CSMD1: variants seen among roughly 807,000 people sequenced by gnomAD.
The protein encoded by CSMD1 is CUB and Sushi multiple domains 1, also known as CUB and sushi domain-containing protein 1.
CSMD1 carries 213 observed loss-of-function variants against 417.5 expected under a neutral mutation model. The observed-to-expected ratio is 0.51, with a 90% CI of 0.46 to 0.57. The LOEUF is 0.57. CSMD1 is among the 20% of genes least tolerant of loss of function. The pLI is 0.00. For synonymous variants in CSMD1, 2,862 were observed against 1,736.8 expected (o/e 1.65, Z -16.11); for missense variants, 6,923 against 4,529.7 (o/e 1.53, Z -15.17).
Position 3,502,950 on chromosome 8 carries a change from C to A in CSMD1, c.1345-9224G>T, listed in dbSNP as rs11774446. On this transcript the variant is annotated intron_variant, in intron 10 of 69. Coordinates refer to ENST00000635120, the MANE Select transcript of CSMD1 (RefSeq NM_033225.6). ...AACAAACACACCATGCTGAAAGCATCTGGTGAGGATGCTTACAGTGGGGAG... is the reference window on the plus strand; with the variant it reads ...AACAAACACACCATGCTGAAAGCATATGGTGAGGATGCTTACAGTGGGGAG... Among the ~76,000 whole-genome samples the A allele has an allele frequency of 3.3e-3, 504 of 152,168 alleles. 2 individuals are homozygous for A. The highest frequency in any genetic ancestry group is 4.4e-3 in the Non-Finnish European group (296 of 67,980).
chr8:4,054,736 T>A (rs937965786), intron 3 of CSMD1, among the ~76,000 whole-genome samples: 1 of 152,168 alleles, frequency 6.6e-6, no homozygotes. Flanking sequence ...TTTGGACATT[T>A]TGTGATGTGT....
intron 5 of CSMD1, among the ~76,000 whole-genome samples, chr8:3,883,424 G>T (rs933305564): frequency 1.3e-5 from 2 of 152,114 alleles, no homozygotes; most frequent in Non-Finnish European, 2.9e-5. Flanking sequence ...ATATGTATGT[G>T]TGTGTATGTT....
intron 3 of CSMD1, among the ~76,000 whole-genome samples, chr8:4,039,461 A>C (rs1348474629): frequency 6.6e-6 from 1 of 152,140 alleles, no homozygotes; most frequent in Non-Finnish European, 1.5e-5. Context: ...GAAACCTTAC[A>C]TTTCTTCTCT....
chr8:3,945,690 G>T (rs951818381), intron 5 of CSMD1, among the ~76,000 whole-genome samples: 1 of 152,090 alleles, frequency 6.6e-6, no homozygotes, highest in Non-Finnish European at 1.5e-5. Context: ...AGTCCAGATA[G>T]CTCATCGACA....
At chr8:3,343,228 A>G in intron 23 of CSMD1, 66 bp downstream of exon 23, 5 of 1,383,052 alleles carry the variant, frequency 3.6e-6, no homozygotes, top group South Asian at 1.2e-5. Flanking sequence ...AACTTAATAT[A>G]AGCCAAGTAT....
intron 31 of CSMD1, 131 bp from the exon 32 acceptor site, chr8:3,201,856 A>G (rs1797009145): frequency 6.6e-6 from 3 of 452,996 alleles, no homozygotes; most frequent in Non-Finnish European, 1.2e-5. Flanking sequence ...AAAAATAAAT[A>G]TTAACTTATT....
intron 57 of CSMD1, among the ~76,000 whole-genome samples, chr8:2,972,887 C>T (rs547164656): frequency 7.2e-5 from 11 of 152,246 alleles, no homozygotes; most frequent in Admixed American, 2.6e-4. Context: ...TTCCGTGTTA[C>T]GAACTTTCAA....
At position 3,610,748 on chromosome 8, in the gene CSMD1, T is replaced by C. The variant is rs373019394; in HGVS notation, c.1097+5962A>G. Among the ~76,000 whole-genome samples the C allele has an allele frequency of 4.1e-4, 63 of 152,214 alleles. No individual in the cohort carries two copies. In the South Asian group the frequency reaches 0.012, roughly 30 times the overall value. ...ATTATAATTTTTATGCTCAGTAGAA[T>C]TGCATACTTAATGCATCTCTTTTTA... On this transcript the variant is annotated intron_variant, in intron 8 of 69. Coordinates refer to ENST00000635120, the MANE Select transcript of CSMD1 (RefSeq NM_033225.6).
chr8:4,199,267 T>A (rs1006384230), intron 3 of CSMD1, among the ~76,000 whole-genome samples: 31 of 152,216 alleles, frequency 2.0e-4, no homozygotes, highest in African/African-American at 6.8e-4. Context: ...AATTCATACA[T>A]CTTCTGCTAT....
At chr8:3,926,086 C>CACACACACAAACACCAT in intron 5 of CSMD1, among the ~76,000 whole-genome samples, 1 of 16,150 alleles carries the variant, frequency 6.2e-5, no homozygotes. Flanking sequence ...ACACCATACA[C>CACACACACAAACACCAT]ACACACACAC....
At chr8:3,968,388 C>T (rs967838372) in intron 5 of CSMD1, among the ~76,000 whole-genome samples, 2 of 152,180 alleles carry the variant, frequency 1.3e-5, no homozygotes, top group African/African-American at 2.4e-5. Flanking sequence ...AGTGTGGTCA[C>T]TGAGCACGGC....
At position 4,509,688 on chromosome 8, in the gene CSMD1, G is replaced by C. The variant is rs75065569; in HGVS notation, c.303-89623C>G. On this transcript the variant is annotated intron_variant, in intron 2 of 69. Transcript: ENST00000635120. ...CCATAATAATAATCACAGTCATGCT[G>C]ATAATAGACACTTTTGACACTTATT... 4.0e-4 allele frequency among the ~76,000 whole-genome samples: 60 copies of C among 151,172 alleles called. No homozygotes were observed. The East Asian group carries it at 0.011, about 28-fold the overall frequency.
At chr8:3,058,751 A>C (rs1812400711) in intron 49 of CSMD1, among the ~76,000 whole-genome samples, 1 of 151,944 alleles carries the variant, frequency 6.6e-6, no homozygotes, top group South Asian at 2.1e-4. Context: ...GCAAGGATTT[A>C]GACTATCCTA....
chr8:3,320,880 C>T (rs1806109090), intron 23 of CSMD1, among the ~76,000 whole-genome samples: 2 of 152,172 alleles, frequency 1.3e-5, no homozygotes, highest in South Asian at 4.1e-4. Flanking sequence ...ACACTTTTGC[C>T]CCTGACATGC....
At chr8:4,026,417 A>G (rs987620562) in intron 4 of CSMD1, among the ~76,000 whole-genome samples, 5 of 152,248 alleles carry the variant, frequency 3.3e-5, no homozygotes, top group Non-Finnish European at 7.3e-5. Flanking sequence ...GCAGCATAGG[A>G]AAGACACTTA....
chr8:3,510,532 G>A (rs1056354577), intron 10 of CSMD1, among the ~76,000 whole-genome samples: 2 of 151,942 alleles, frequency 1.3e-5, no homozygotes, highest in Non-Finnish European at 2.9e-5. Flanking sequence ...GGTCTTTAAA[G>A]AGGTCAAATG....
At chr8:4,734,978 G>T (rs1310828242) in intron 1 of CSMD1, among the ~76,000 whole-genome samples, 2 of 152,170 alleles carry the variant, frequency 1.3e-5, no homozygotes, top group African/African-American at 4.8e-5. Context: ...TTTCCATATG[G>T]ATGTTATAAG....
intron 23 of CSMD1, among the ~76,000 whole-genome samples, chr8:3,335,806 A>G (rs1005131442): frequency 6.6e-5 from 10 of 152,186 alleles, no homozygotes; most frequent in African/African-American, 2.4e-4. Flanking sequence ...ACAAATCTGC[A>G]CAGTGCTTTA....
rs192474054 is a variant in CSMD1 at position 4,951,792 on chromosome 8, G to C, written c.85+42540C>G. Among the ~76,000 whole-genome samples, 11 of 151,718 alleles carry C rather than the reference G, an allele frequency of 7.3e-5. No homozygotes were observed. The East Asian group carries it at 2.1e-3, about 30-fold the overall frequency. On this transcript the variant is annotated intron_variant, in intron 1 of 69. Transcript: ENST00000635120. ...CCTTTCCTTAATATCTCTGGTGAAA[G>C]ATATTTCTGAGCCTTCTCCTTTGCA...
Sources: gnomAD v4.1 joint callset for allele counts (sites outside exome capture counted in the v4.1 genomes callset) on GRCh38, gnomAD v4.1.1 for gene constraint, MANE v1.5 for transcripts, NCBI Gene and HGNC (gene_info 2026-07-23, HGNC 2026-07-21) for gene names.